CAD: variants seen among roughly 807,000 people sequenced by gnomAD.
The protein encoded by CAD is multifunctional protein CAD.
CAD carries 81 observed loss-of-function variants against 237.2 expected under a neutral mutation model. That is an observed-to-expected ratio of 0.34 (90% CI 0.29 to 0.41). The LOEUF (loss-of-function observed/expected upper bound fraction) is 0.41, where lower values mean the gene tolerates loss of function less well. CAD is among the 10% of genes least tolerant of loss of function. The pLI, the probability that CAD is intolerant of heterozygous loss-of-function variation, is 1.00. For synonymous variants in CAD, 1,196 were observed against 1,162.8 expected (o/e 1.03, Z -0.58); for missense variants, 2,181 against 2,951.7 (o/e 0.74, Z 6.05).
In CAD at chr2:27,235,230, C is replaced by T. The variant is rs1466208444; in HGVS notation, c.3787-15C>T. ...CTCACACCTTGGCCCTCTCTCTTCC[C>T]TCCCGCCCCTTTAGGTGCCTCAGTT... On this transcript the variant is annotated splice_polypyrimidine_tract_variant and intron_variant, in intron 23 of 43. Transcript: ENST00000264705. The surrounding 1 kb of genome is among the most constrained non-coding windows in gnomAD (Gnocchi z 5.2). 3.8e-6 allele frequency: 6 copies of T among 1,593,384 alleles called. No individual in the cohort carries two copies. Among genetic ancestry groups the T allele is most frequent in the Non-Finnish European group, 4.3e-6 (5 of 1,168,768 alleles).
chr2:27,226,362 CTCT>C lies in CAD; in HGVS notation c.2031+48_2031+50del, dbSNP rs767271648. The C allele has an allele frequency of 6.3e-5, 101 of 1,591,518 alleles. 1 individual carries two copies. In the East Asian group the frequency reaches 1.9e-3, roughly 30 times the overall value. The stretch of plus-strand genomic sequence containing the variant: ...GAACTGATAGTCTAGTTGTTACCCC[CTCT>C]TCTTGTATAATTTTTGGCCCTTGAG... On this transcript the variant is annotated intron_variant, in intron 13 of 43. Coordinates refer to ENST00000264705, the MANE Select transcript of CAD (RefSeq NM_004341.5).
chr2:27,229,291 C>T (rs749712017), intron 15 of CAD, among the ~76,000 whole-genome samples: 3 of 151,440 alleles, frequency 2.0e-5, no homozygotes, highest in Non-Finnish European at 4.4e-5. Context: ...TTTTTTAATA[C>T]GGAGTTTTAT....
Position 27,226,835 on chromosome 2 carries a change from C to T in CAD, c.2160C>T (p.Asn720=). The T allele has an allele frequency of 6.2e-7, 1 of 1,614,180 alleles. No individual in the cohort carries two copies. Among genetic ancestry groups the T allele is most frequent in the Non-Finnish European group, 8.5e-7 (1 of 1,180,006 alleles). The stretch of plus-strand genomic sequence containing the variant: ...CATCCCACCTGCTGGACCCCAGGAA[C>T]TCTGTGACAGGGGGTACAGCAGCCT... ...ALGIPLPELR[N]SVTGGTAAFE... The change falls in exon 15 of 44, where the codon AAC becomes AAT. Residue 720 remains asparagine (N), a synonymous_variant. Transcript: ENST00000264705.
Position 27,241,964 on chromosome 2 carries a change from C to T in CAD, c.5937C>T (p.Ser1979=), listed in dbSNP as rs749190205. ...AAGTGAGCACACGGACCAGCAGCTC[C>T]TTTGCAGCAGCCATGGCCCGGCTGG... ...FYEVSTRTSS[S]FAAAMARLGG... Residue 1979 remains serine (S), a synonymous_variant, in exon 39 of 44, where the codon TCC becomes TCT. Coordinates refer to ENST00000264705, the MANE Select transcript of CAD (RefSeq NM_004341.5). The surrounding 1 kb of genome is among the most constrained non-coding windows in gnomAD (Gnocchi z 4.6). 1 of 1,613,728 alleles carries T rather than the reference C, an allele frequency of 6.2e-7. No individual in the cohort carries two copies. Among genetic ancestry groups the T allele is most frequent in the Non-Finnish European group, 8.5e-7 (1 of 1,180,030 alleles).
At position 27,243,419 on chromosome 2, in the gene CAD, G is replaced by A; in HGVS notation, c.6579G>A (p.Val2193=). ...HPMPRVNEIS[V]EVDSDPRAAY... is the part of the protein sequence containing the mutation. The stretch of plus-strand genomic sequence containing the variant: ...TTTTTTTTTTTTTTTTTTGCAGCGT[G>A]GAAGTGGACTCGGATCCCCGCGCAG... Residue 2193 remains valine (V), a synonymous_variant, in exon 44 of 44, where the codon GTG becomes GTA. Coordinates refer to ENST00000264705, the MANE Select transcript of CAD (RefSeq NM_004341.5). 1.9e-6 allele frequency: 3 copies of A among 1,545,870 alleles called. No homozygotes were observed. The highest frequency in any genetic ancestry group is 2.6e-6 in the Non-Finnish European group (3 of 1,132,872).
rs1199172175 is a variant in CAD, at chr2:27,235,883, A to C, written c.4074+243A>C. 3 of 498,318 alleles carry C rather than the reference A, an allele frequency of 6.0e-6. No homozygotes were observed. Among genetic ancestry groups the C allele is most frequent in the Non-Finnish European group, 1.1e-5 (3 of 281,920 alleles). The allele number at this position is 498,318 out of a possible 1,614,324, so 30.9% of individuals were successfully genotyped here. Reference sequence around the variant, plus strand: ...AGTGAGATGCTGTCTCAAAAAAAAAAAAAACAAAGAATTATCTCCTATTCC... The same window carrying C: ...AGTGAGATGCTGTCTCAAAAAAAAACAAAACAAAGAATTATCTCCTATTCC... On this transcript the variant is annotated intron_variant, in intron 25 of 43. Coordinates refer to ENST00000264705, the MANE Select transcript of CAD (RefSeq NM_004341.5). This position sits in a 1 kb window ranked among gnomAD's most constrained non-coding sequence, Gnocchi z 5.2.
intron 15 of CAD, among the ~76,000 whole-genome samples, chr2:27,228,782 G>A (rs558682491): frequency 6.6e-6 from 1 of 152,022 alleles, no homozygotes; most frequent in East Asian, 1.9e-4. Flanking sequence ...TAGAGACAGG[G>A]TTTCTCCCTG....
intron 9 of CAD, 69 bp downstream of exon 9, chr2:27,224,559 G>A: frequency 6.3e-7 from 1 of 1,579,112 alleles, no homozygotes; most frequent in Non-Finnish European, 8.6e-7. Context: ...TTAAGGAGAA[G>A]GGCTAAGGTT....
In CAD at chr2:27,226,607, T is replaced by C. The variant is rs757263526; in HGVS notation, c.2114T>C (p.Val705Ala). 2.5e-6 allele frequency: 4 copies of C among 1,614,186 alleles called. No individual in the cohort carries two copies. The highest frequency in any genetic ancestry group is 3.4e-6 in the Non-Finnish European group (4 of 1,180,026). Residue 705 changes from valine (V) to alanine (A), a missense_variant, in exon 14 of 44, where the codon GTG becomes GCG. Transcript: ENST00000264705. The stretch of plus-strand genomic sequence containing the variant: ...GCCACAGGTTATCCACTGGCTTATG[T>C]GGCAGCCAAGCTAGCATTGGGCATC... ...SKATGYPLAY[V>A]AAKLALGIPL...
rs373586525 is a variant in CAD at position 27,217,887 on chromosome 2, C to G, written c.93C>G (p.Thr31=). ...VSTAGEVVFQ[T]GMVGYPEALT... is the part of the protein sequence containing the mutation. ...GCTTCTTTCTTGCAGTGTTTCAAAC[C>G]GGCATGGTCGGCTACCCCGAGGCCC... is the stretch of plus-strand genomic sequence containing the variant. Residue 31 remains threonine, a synonymous_variant, in exon 2 of 44, where the codon ACC becomes ACG. Transcript: ENST00000264705. The G allele has an allele frequency of 1.2e-6, 2 of 1,603,366 alleles. No homozygotes were observed. The highest frequency in any genetic ancestry group is 2.7e-5 in the African/African-American group (2 of 74,448).
chr2:27,238,202 G>C lies in CAD; in HGVS notation c.4860+15G>C. On this transcript the variant is annotated intron_variant, in intron 30 of 43. Coordinates refer to ENST00000264705, the MANE Select transcript of CAD (RefSeq NM_004341.5). ...GGAAGGAGGAGGTAAGAGTACACCT[G>C]AGATCCTGCTGTCCCTGTTGCTTTC... 1.2e-6 allele frequency: 2 copies of C among 1,613,204 alleles called. No homozygotes were observed. The highest frequency in any genetic ancestry group is 1.7e-6 in the Non-Finnish European group (2 of 1,179,744).
Position 27,233,159 on chromosome 2 carries a change from TC to T in CAD, c.2991+21del. 1 of 1,572,950 alleles carries T rather than the reference TC, an allele frequency of 6.4e-7. No homozygotes were observed. Among genetic ancestry groups the T allele is most frequent in the South Asian group, 1.1e-5 (1 of 90,232 alleles). The stretch of plus-strand genomic sequence containing the variant: ...TTTTGAGGTGAGGGAGATGGAGGCT[TC>T]CTGGTAGCTTGAGTGGCCAGGGTCG... On this transcript the variant is annotated intron_variant, in intron 19 of 43. Coordinates refer to ENST00000264705, the MANE Select transcript of CAD (RefSeq NM_004341.5). The surrounding 1 kb of genome is among the most constrained non-coding windows in gnomAD (Gnocchi z 6.3).
chr2:27,227,034 T>C, intron 15 of CAD, 72 bp downstream of exon 15: 1 of 1,371,786 alleles, frequency 7.3e-7, no homozygotes, highest in Middle Eastern at 2.0e-4. Flanking sequence ...AAGAGTTCCC[T>C]GGCATGGCCT....
rs1381453145 is a variant in CAD, at chr2:27,224,762, G to A, written c.1272G>A (p.Lys424=). Residue 424 remains lysine (K), a synonymous_variant, in exon 10 of 44, where the codon AAG becomes AAA. Coordinates refer to ENST00000264705, the MANE Select transcript of CAD (RefSeq NM_004341.5). ...YSGSQAIKAL[K]EENIQTLLIN... ...CCTTTTAGGCAATTAAGGCCCTGAA[G>A]GAGGAAAACATCCAGACGTTGCTGA... 6.2e-7 allele frequency: 1 copy of A among 1,614,096 alleles called. No homozygotes were observed. The highest frequency in any genetic ancestry group is 1.3e-5 in the African/African-American group (1 of 74,920).
At position 27,224,425 on chromosome 2, in the gene CAD, C is replaced by T; in HGVS notation, c.1189C>T (p.Leu397=). The part of the protein sequence containing the change: ...GSGLPPPRKV[L]ILGSGGLSIG... ...TGGACTTCCACCACCACGAAAGGTT[C>T]TGATCCTGGGCTCAGGGGGCCTCTC... is the stretch of plus-strand genomic sequence containing the variant. The change falls in exon 9 of 44, where the codon CTG becomes TTG. Residue 397 remains leucine, a synonymous_variant. Coordinates refer to ENST00000264705, the MANE Select transcript of CAD (RefSeq NM_004341.5). 1 of 1,614,220 alleles carries T rather than the reference C, an allele frequency of 6.2e-7. No individual in the cohort carries two copies. The highest frequency in any genetic ancestry group is 8.5e-7 in the Non-Finnish European group (1 of 1,180,040).
chr2:27,223,795 C>T (rs745672998), intron 7 of CAD, 47 bp downstream of exon 7: 28 of 1,600,410 alleles, frequency 1.7e-5, no homozygotes, highest in Non-Finnish European at 2.3e-5. Flanking sequence ...CCCTGTGGGC[C>T]TTGATGATGG....
chr2:27,224,726 G>A lies in CAD; in HGVS notation c.1255-19G>A. The A allele has an allele frequency of 6.2e-7, 1 of 1,614,184 alleles. No individual in the cohort carries two copies. Among genetic ancestry groups the A allele is most frequent in the Non-Finnish European group, 8.5e-7 (1 of 1,180,012 alleles). ...TTGCTTCTTCAGCAGAGGCTGAGAT[G>A]CCATTCTTGTCCTTTTAGGCAATTA... On this transcript the variant is annotated intron_variant, in intron 9 of 43. Coordinates refer to ENST00000264705, the MANE Select transcript of CAD (RefSeq NM_004341.5).
Position 27,226,581 on chromosome 2 carries a change from G to A in CAD, c.2088G>A (p.Lys696=). ...CTCGCAGCTCTGCCCTGGCCAGTAA[G>A]GCCACAGGTTATCCACTGGCTTATG... The part of the protein sequence containing the change: ...RLSRSSALAS[K]ATGYPLAYVA... The change falls in exon 14 of 44, where the codon AAG becomes AAA. Residue 696 remains lysine (K), a synonymous_variant. Coordinates refer to ENST00000264705, the MANE Select transcript of CAD (RefSeq NM_004341.5). 1 of 1,614,148 alleles carries A rather than the reference G, an allele frequency of 6.2e-7. No individual in the cohort carries two copies. The highest frequency in any genetic ancestry group is 8.5e-7 in the Non-Finnish European group (1 of 1,179,996).
Position 27,234,651 on chromosome 2 carries a change from G to A in CAD, c.3752G>A (p.Gly1251Glu), listed in dbSNP as rs764242279. ...VIMGEEVEPV[G>E]LMTGSGVVGV... is the part of the protein sequence containing the mutation. The stretch of plus-strand genomic sequence containing the variant: ...ATGGGGGAAGAAGTGGAACCTGTGG[G>A]GCTAATGACTGGTTCTGGAGTCGTG... Residue 1251 changes from glycine (G) to glutamate (E), a missense_variant, in exon 23 of 44, where the codon GGG (glycine) becomes GAG (glutamate). Coordinates refer to ENST00000264705, the MANE Select transcript of CAD (RefSeq NM_004341.5). The A allele has an allele frequency of 6.8e-6, 11 of 1,614,118 alleles. No homozygotes were observed. The South Asian group carries it at 1.1e-4, about 16-fold the overall frequency.
Sources: gnomAD v4.1 joint callset for allele counts (sites outside exome capture counted in the v4.1 genomes callset) on GRCh38, gnomAD v4.1.1 for gene constraint, Gnocchi (gnomAD v3.1) non-coding constraint, MANE v1.5 for transcripts, NCBI Gene and HGNC (gene_info 2026-07-23, HGNC 2026-07-21) for gene names.